TCEANC2: variants seen among roughly 807,000 people sequenced by gnomAD.
TCEANC2 encodes the protein transcription elongation factor A N-terminal and central domain-containing protein 2.
Under a neutral mutation model 22.8 loss-of-function variants are expected in TCEANC2, and 20 were observed. The observed-to-expected ratio is 0.88, with a 90% CI of 0.62 to 1.28. The LOEUF (loss-of-function observed/expected upper bound fraction) is 1.28, where lower values mean the gene tolerates loss of function less well. Ranked by LOEUF, TCEANC2 falls within the 50% of genes most tolerant of loss-of-function variation. The pLI, the probability that TCEANC2 is intolerant of heterozygous loss-of-function variation, is 0.00. For missense variants in TCEANC2, 251 were observed against 249.7 expected (o/e 1.01, Z -0.03); for synonymous variants, 84 against 95.5 (o/e 0.88, Z 0.70).
At chr1:54,082,325 T>C (rs764734205) in intron 3 of TCEANC2, among the ~76,000 whole-genome samples, 2 of 152,246 alleles carry the variant, frequency 1.3e-5, no homozygotes, top group African/African-American at 2.4e-5. Flanking sequence ...TATAGTTTCA[T>C]TATTTTGTTT....
At position 54,061,323 on chromosome 1, in the gene TCEANC2, C is replaced by T. The variant is rs187784007; in HGVS notation, c.102+6799C>T. ...AACATCAGAAATAACAGTACCCCAT[C>T]TGCATGATTATTATGAGAGTGAAAT... On this transcript the variant is annotated intron_variant, in intron 2 of 4. Transcript: ENST00000234827. 7.9e-5 allele frequency among the ~76,000 whole-genome samples: 12 copies of T among 152,318 alleles called. No homozygotes were observed. In the East Asian group the frequency reaches 2.3e-3, roughly 29 times the overall value.
chr1:54,055,404 A>G (rs961206939), intron 2 of TCEANC2, among the ~76,000 whole-genome samples: 1 of 152,256 alleles, frequency 6.6e-6, no homozygotes, highest in Non-Finnish European at 1.5e-5. Context: ...ACTAAAACAA[A>G]ACAAAACAAC....
chr1:54,054,974 C>T (rs188053501), intron 2 of TCEANC2, among the ~76,000 whole-genome samples: 6 of 152,086 alleles, frequency 3.9e-5, no homozygotes, highest in Middle Eastern at 3.4e-3. Flanking sequence ...TTTTTGTTGT[C>T]GTTGTTGTTG....
intron 2 of TCEANC2, among the ~76,000 whole-genome samples, chr1:54,058,285 T>C (rs1657789966): frequency 6.6e-6 from 1 of 152,210 alleles, no homozygotes; most frequent in Non-Finnish European, 1.5e-5. Context: ...CTGACCACCC[T>C]TTTGTCCCTG....
At chr1:54,060,679 CCT>C (rs1428083723) in intron 2 of TCEANC2, among the ~76,000 whole-genome samples, 2 of 152,006 alleles carry the variant, frequency 1.3e-5, no homozygotes, top group African/African-American at 2.4e-5. Context: ...GTGGCTCACA[CCT>C]GTAATCTCAG....
downstream of TCEANC2, among the ~76,000 whole-genome samples, chr1:54,107,205 G>A (rs1330813037): frequency 1.3e-5 from 2 of 152,156 alleles, no homozygotes; most frequent in Non-Finnish European, 2.9e-5. Flanking sequence ...ACAGTCTTGA[G>A]CAGTACTGGC....
At chr1:54,062,142 G>A (rs764518846) in intron 2 of TCEANC2, among the ~76,000 whole-genome samples, 18 of 152,152 alleles carry the variant, frequency 1.2e-4, no homozygotes, top group South Asian at 2.1e-4. Flanking sequence ...TGGTGCCCAC[G>A]TAACTGCTTA....
chr1:54,107,044 T>G (rs76934749), downstream of TCEANC2, among the ~76,000 whole-genome samples: 1,898 of 152,302 alleles, frequency 0.012, 41 homozygotes, highest in African/African-American at 0.041. Flanking sequence ...AACTCCAGAC[T>G]TCACTCAGAC....
Position 54,086,221 on chromosome 1 carries a change from A to C in TCEANC2, c.245-2376A>C, listed in dbSNP as rs550870860. Among the ~76,000 whole-genome samples, 15 of 152,300 alleles carry C rather than the reference A, an allele frequency of 9.8e-5. 1 individual carries two copies. In the South Asian group the frequency reaches 3.1e-3, roughly 32 times the overall value. ...TGCCACGATGCTCACTGCTGGAGATACAAAGATGAGCATCCCCTAAGGTTA... is the reference window on the plus strand; with the variant it reads ...TGCCACGATGCTCACTGCTGGAGATCCAAAGATGAGCATCCCCTAAGGTTA... On this transcript the variant is annotated intron_variant, in intron 3 of 4. Transcript: ENST00000234827.
At chr1:54,054,062 T>G in intron 1 of TCEANC2, 1 of 324,098 alleles carries the variant, frequency 3.1e-6, no homozygotes, top group East Asian at 4.9e-5. Flanking sequence ...AGCCCAATCT[T>G]ATTTGGAAGA....
At chr1:54,055,414 C>T (rs1657734266) in intron 2 of TCEANC2, among the ~76,000 whole-genome samples, 1 of 152,216 alleles carries the variant, frequency 6.6e-6, no homozygotes, top group South Asian at 2.1e-4. Context: ...AACAAAACAA[C>T]TTGTACTTAG....
At chr1:54,071,187 T>G (rs191636360) in intron 3 of TCEANC2, among the ~76,000 whole-genome samples, 3 of 152,372 alleles carry the variant, frequency 2.0e-5, no homozygotes, top group African/African-American at 4.8e-5. Flanking sequence ...CTGTTTGGTC[T>G]TGGCATATGT....
intron 2 of TCEANC2, among the ~76,000 whole-genome samples, chr1:54,059,625 T>G (rs1485033655): frequency 6.6e-6 from 1 of 152,248 alleles, no homozygotes; most frequent in Non-Finnish European, 1.5e-5. Context: ...TTCAAATATC[T>G]GTGGAAGCAT....
intron 4 of TCEANC2, among the ~76,000 whole-genome samples, chr1:54,091,505 A>G (rs141176799): frequency 2.9e-4 from 44 of 152,322 alleles, no homozygotes; most frequent in Admixed American, 1.0e-3. Context: ...TCTTCTCATT[A>G]CATTTTTGTA....
At chr1:54,073,844 G>A (rs927523885) in intron 3 of TCEANC2, among the ~76,000 whole-genome samples, 1 of 152,160 alleles carries the variant, frequency 6.6e-6, no homozygotes, top group Admixed American at 6.5e-5. Flanking sequence ...TGAAGAAATT[G>A]TAGTTGGAAT....
rs1658610217 is a variant in TCEANC2, at chr1:54,099,181, C to A, written c.*2708C>A. 6.6e-6 allele frequency: 1 copy of A among 152,226 alleles called. No individual in the cohort carries two copies. The highest frequency in any genetic ancestry group is 6.5e-5 in the Admixed American group (1 of 15,288). The allele number at this position is 152,226 out of a possible 1,614,324, so 9.4% of individuals were successfully genotyped here. A position where few individuals can be genotyped will look rare whatever the true frequency, so the allele number is the denominator to read the frequency against. On this transcript the variant is annotated 3_prime_UTR_variant, in exon 5 of 5. Transcript: ENST00000234827. ...CAAAGAGTTCTGCTAACTTAGGAACCCAGAGTAAGTTGAAAACAAATTGCT... is the reference window on the plus strand; with the variant it reads ...CAAAGAGTTCTGCTAACTTAGGAACACAGAGTAAGTTGAAAACAAATTGCT...
At chr1:54,084,620 G>C (rs184206969) in intron 3 of TCEANC2, among the ~76,000 whole-genome samples, 1 of 152,150 alleles carries the variant, frequency 6.6e-6, no homozygotes, top group Non-Finnish European at 1.5e-5. Context: ...CCAGTACTTT[G>C]GGAGGCCAAA....
intron 4 of TCEANC2, among the ~76,000 whole-genome samples, chr1:54,090,306 C>T (rs192945587): frequency 1.1e-3 from 167 of 151,974 alleles, no homozygotes; most frequent in African/African-American, 3.7e-3. Context: ...AAAATGTAAC[C>T]CAGACATAAT....
chr1:54,056,032 G>A (rs1229720137), intron 2 of TCEANC2, among the ~76,000 whole-genome samples: 1 of 152,214 alleles, frequency 6.6e-6, no homozygotes, highest in African/African-American at 2.4e-5. Flanking sequence ...AACTGAAAAT[G>A]CCTTCTCATT....
Sources: gnomAD v4.1 joint callset for allele counts (sites outside exome capture counted in the v4.1 genomes callset) on GRCh38, gnomAD v4.1.1 for gene constraint, MANE v1.5 for transcripts, NCBI Gene and HGNC (gene_info 2026-07-23, HGNC 2026-07-21) for gene names.